The following ANKRD30A variants were observed in gnomAD, a reference collection of about 807,000 sequenced individuals.
The protein encoded by ANKRD30A is ankyrin repeat domain-containing protein 30A.
ANKRD30A carries 170 observed loss-of-function variants against 166.3 expected under a neutral mutation model. The observed-to-expected ratio is 1.02, with a 90% CI of 0.90 to 1.16. The LOEUF is 1.16. Ranked by LOEUF, ANKRD30A falls within the 50% of genes most tolerant of loss-of-function variation. The pLI is 0.00. For missense variants in ANKRD30A, 1,630 were observed against 1,518.0 expected (o/e 1.07, Z -1.23); for synonymous variants, 564 against 508.9 (o/e 1.11, Z -1.46).
In ANKRD30A at chr10:37,228,133, T is replaced by A. The variant is rs369055810; in HGVS notation, c.4186-3328T>A. Among the ~76,000 whole-genome samples, 8 of 152,118 alleles carry A rather than the reference T, an allele frequency of 5.3e-5. No individual in the cohort carries two copies. The East Asian group carries it at 7.8e-4, about 15-fold the overall frequency. On this transcript the variant is annotated intron_variant, in intron 34 of 35. Transcript: ENST00000361713. ...TTTTGGAATAAATATTTTATGCTAT[T>A]CAAAGAAAAAGTTTCAGAAGTGCAG... is the stretch of plus-strand genomic sequence containing the variant.
At chr10:37,240,656 C>G in the ANKRD30A span, among the ~76,000 whole-genome samples, 1 of 152,124 alleles carries the variant, frequency 6.6e-6, no homozygotes, top group African/African-American at 2.4e-5. Context: ...AGCTCCAGCT[C>G]TTGGCATTTG....
intron 25 of ANKRD30A, among the ~76,000 whole-genome samples, chr10:37,192,102 T>A (rs1440378157): frequency 6.6e-6 from 1 of 152,034 alleles, no homozygotes; most frequent in Non-Finnish European, 1.5e-5. Flanking sequence ...AATGGCATGA[T>A]CTTGGCTCAC....
the ANKRD30A span, among the ~76,000 whole-genome samples, chr10:37,244,835 G>A: frequency 6.6e-6 from 1 of 152,236 alleles, no homozygotes; most frequent in Admixed American, 6.5e-5. Context: ...TCACTTGATT[G>A]TTAACATTGT....
chr10:37,232,579 C>T (rs1423572666), downstream of ANKRD30A: 2 of 143,914 alleles, frequency 1.4e-5, no homozygotes, highest in East Asian at 4.3e-4. Flanking sequence ...TGATTTTACT[C>T]ATAGTAAGAA....
intron 29 of ANKRD30A, 111 bp downstream of exon 29, chr10:37,197,591 T>G: frequency 6.6e-7 from 1 of 1,518,622 alleles, no homozygotes; most frequent in Non-Finnish European, 9.0e-7. Flanking sequence ...TAAGTTTTGA[T>G]CTAGGTAATG....
intron 31 of ANKRD30A, among the ~76,000 whole-genome samples, chr10:37,213,420 C>G (rs1455739172): frequency 6.6e-6 from 1 of 151,768 alleles, no homozygotes; most frequent in East Asian, 1.9e-4. Context: ...CCCAAAACTC[C>G]TACCTCCTAA....
chr10:37,219,994 TA>T, intron 34 of ANKRD30A, 97 bp downstream of exon 34: 1 of 15,068 alleles, frequency 6.6e-5, no homozygotes. Context: ...GTTGAATATA[TA>T]TATATATATA....
chr10:37,204,823 A>G (rs1166741805), intron 31 of ANKRD30A, among the ~76,000 whole-genome samples: 1 of 152,252 alleles, frequency 6.6e-6, no homozygotes. Flanking sequence ...GAAGATATTT[A>G]TGCAGACAAC....
At chr10:37,229,675 G>A (rs956470020) in intron 34 of ANKRD30A, among the ~76,000 whole-genome samples, 49 of 151,682 alleles carry the variant, frequency 3.2e-4, no homozygotes, top group African/African-American at 1.1e-3. Flanking sequence ...TCTTTTTCAC[G>A]TATTTAAAAT....
chr10:37,127,729 TA>T (rs1369348982), intron 1 of ANKRD30A, among the ~76,000 whole-genome samples: 5 of 152,088 alleles, frequency 3.3e-5, no homozygotes, highest in Non-Finnish European at 7.4e-5. Context: ...GCATTTAAGT[TA>T]AAAAAGGAAT....
chr10:37,198,462 G>A (rs1488479328), intron 29 of ANKRD30A, among the ~76,000 whole-genome samples: 2 of 151,966 alleles, frequency 1.3e-5, no homozygotes, highest in African/African-American at 4.8e-5. Context: ...GCAGATTTCT[G>A]CATCTTTAAA....
At chr10:37,165,279 T>A in intron 18 of ANKRD30A, 124 bp downstream of exon 18, 1 of 920,822 alleles carries the variant, frequency 1.1e-6, no homozygotes, top group Non-Finnish European at 1.7e-6. Context: ...TTGATGTTTT[T>A]CAGTATATGC....
intron 12 of ANKRD30A, 147 bp from the exon 13 acceptor site, chr10:37,153,425 G>T (rs17606159): frequency 1.0e-5 from 12 of 1,198,972 alleles, no homozygotes; most frequent in African/African-American, 9.3e-5. Context: ...AAAATGTGTT[G>T]GTTTTCTATA....
chr10:37,163,028 A>T (rs182414753), intron 17 of ANKRD30A, among the ~76,000 whole-genome samples, 180 bp downstream of exon 17: 1 of 152,192 alleles, frequency 6.6e-6, no homozygotes, highest in South Asian at 2.1e-4. Context: ...TTTTCAATAT[A>T]TTTTTTAAAA....
chr10:37,202,982 G>C (rs1588916069), intron 31 of ANKRD30A, among the ~76,000 whole-genome samples: 1 of 152,268 alleles, frequency 6.6e-6, no homozygotes, highest in East Asian at 1.9e-4. Flanking sequence ...CTGTAATTGA[G>C]GCAATAATTA....
Position 37,216,370 on chromosome 10 carries a change from G to A in ANKRD30A, c.3059G>A (p.Trp1020Ter). The A allele has an allele frequency of 6.2e-7, 1 of 1,606,318 alleles. No homozygotes were observed. Among genetic ancestry groups the A allele is most frequent in the South Asian group, 1.1e-5 (1 of 90,494 alleles). The change falls in exon 32 of 36, where the codon TGG (tryptophan) becomes TAG (stop). Residue 1020 changes from tryptophan to a stop codon, truncating the protein, a stop_gained. Coordinates refer to ENST00000361713, the MANE Select transcript of ANKRD30A (RefSeq NM_052997.3). LOFTEE classifies it high-confidence loss of function. ...CAGTTAGAGAACCAAAAAGTTAAATGGGAACAAGAGCTCTGCAGTGTGAGG... is the reference window on the plus strand; with the variant it reads ...CAGTTAGAGAACCAAAAAGTTAAATAGGAACAAGAGCTCTGCAGTGTGAGG... Reference protein sequence around the residue: ...KSQLENQKVKWEQELCSVRLT... With the variant: ...KSQLENQKVK
intron 6 of ANKRD30A, 146 bp from the exon 7 acceptor site, chr10:37,141,572 C>CAA (rs909714989): frequency 0.032 from 24,246 of 747,758 alleles, 4 homozygotes; most frequent in Non-Finnish European, 0.037. Context: ...GACTCTGTCT[C>CAA]AAAAAAAAAA....
chr10:37,248,698 C>CT, the ANKRD30A span, among the ~76,000 whole-genome samples: 714 of 137,658 alleles, frequency 5.2e-3, no homozygotes, highest in Middle Eastern at 0.023. Context: ...TCACGAGTCA[C>CT]TTTTTTTTTT....
At chr10:37,263,522 A>C in the ANKRD30A span, among the ~76,000 whole-genome samples, 3 of 151,254 alleles carry the variant, frequency 2.0e-5, no homozygotes, top group African/African-American at 7.3e-5. Flanking sequence ...GATGGGAGAC[A>C]GTGAGAGATC....
Sources: gnomAD v4.1 joint callset for allele counts (sites outside exome capture counted in the v4.1 genomes callset) on GRCh38, gnomAD v4.1.1 for gene constraint, MANE v1.5 for transcripts, NCBI Gene and HGNC (gene_info 2026-07-23, HGNC 2026-07-21) for gene names.